Variants in EYS observed in about 807,000 individuals in gnomAD.
EYS encodes protein eyes shut homolog.
A neutral mutation model predicts 282.1 loss-of-function variants in EYS; 250 were observed. The observed-to-expected ratio is 0.89, with a 90% CI of 0.80 to 0.98. The LOEUF (loss-of-function observed/expected upper bound fraction) is 0.98, where lower values mean the gene tolerates loss of function less well. Among genes scored for constraint, EYS ranks in the 50% least tolerant of loss-of-function variants. The probability of loss-of-function intolerance (pLI) is 0.00; values close to 1 mark genes in which losing one functional copy is unlikely to be tolerated. For synonymous variants in EYS, 1,355 were observed against 1,282.9 expected, an observed-to-expected ratio of 1.06 and a Z score of -1.20; for missense variants, 4,016 against 3,709.0, an observed-to-expected ratio of 1.08 and a Z score of -2.15.
At chr6:63,879,018 G>T (rs1773057388) in intron 35 of EYS, among the ~76,000 whole-genome samples, 1 of 152,158 alleles carries the variant, frequency 6.6e-6, no homozygotes, top group Admixed American at 6.5e-5. Context: ...TGCAACTGCA[G>T]AAATCACCTG....
chr6:65,203,521 G>A (rs969434540), intron 12 of EYS, among the ~76,000 whole-genome samples: 8 of 152,098 alleles, frequency 5.3e-5, no homozygotes, highest in African/African-American at 1.7e-4. Flanking sequence ...TAAACGCAAA[G>A]CAAAGGACTC....
At chr6:64,860,889 A>T (rs1766214874) in intron 19 of EYS, among the ~76,000 whole-genome samples, 1 of 152,186 alleles carries the variant, frequency 6.6e-6, no homozygotes, top group African/African-American at 2.4e-5. Flanking sequence ...AGGTCGTCCC[A>T]TCATGTCCTG....
intron 30 of EYS, among the ~76,000 whole-genome samples, chr6:64,289,012 T>A (rs1253054579): frequency 6.6e-6 from 1 of 152,106 alleles, no homozygotes; most frequent in Admixed American, 6.6e-5. Flanking sequence ...TGGCTCCACA[T>A]CTACAATAAA....
intron 35 of EYS, among the ~76,000 whole-genome samples, chr6:63,935,086 G>A (rs1163920086): frequency 2.0e-5 from 3 of 151,906 alleles, no homozygotes; most frequent in African/African-American, 7.3e-5. Flanking sequence ...ACCTTATATT[G>A]TACTACATGT....
intron 12 of EYS, among the ~76,000 whole-genome samples, chr6:65,257,684 T>C (rs1198408567): frequency 6.6e-6 from 1 of 151,950 alleles, no homozygotes; most frequent in Non-Finnish European, 1.5e-5. Context: ...CCTTGTAGTA[T>C]AGTTTGAAGT....
At chr6:64,403,606 C>T (rs778272945) in intron 28 of EYS, among the ~76,000 whole-genome samples, 15 of 152,174 alleles carry the variant, frequency 9.9e-5, no homozygotes, top group Non-Finnish European at 1.8e-4. Flanking sequence ...ATCTGCCTGC[C>T]TCAGCTTCCC....
chr6:65,038,896 T>C (rs1772847390), intron 13 of EYS, among the ~76,000 whole-genome samples: 1 of 151,518 alleles, frequency 6.6e-6, no homozygotes, highest in Non-Finnish European at 1.5e-5. Flanking sequence ...TTTTGTTTTA[T>C]ATTAGTGAAT....
intron 5 of EYS, among the ~76,000 whole-genome samples, chr6:65,418,080 G>T (rs568402890): frequency 5.6e-4 from 85 of 152,038 alleles, no homozygotes; most frequent in African/African-American, 2.0e-3. Flanking sequence ...AGACTGTGAG[G>T]TATAATTTTT....
At chr6:64,456,410 A>C (rs1775561173) in intron 26 of EYS, among the ~76,000 whole-genome samples, 1 of 152,046 alleles carries the variant, frequency 6.6e-6, no homozygotes, top group South Asian at 2.1e-4. Flanking sequence ...CTGTAGTTAC[A>C]ACAGGTCAAT....
At chr6:63,883,053 T>C (rs1351013114) in intron 35 of EYS, among the ~76,000 whole-genome samples, 1 of 152,182 alleles carries the variant, frequency 6.6e-6, no homozygotes, top group Non-Finnish European at 1.5e-5. Context: ...ATTCCAAATA[T>C]ATATTATAAC....
intron 30 of EYS, among the ~76,000 whole-genome samples, chr6:64,295,490 G>GAAGAAGAAGAAGAAGAAAGAAGA: frequency 3.6e-5 from 1 of 28,160 alleles, no homozygotes; most frequent in Non-Finnish European, 6.1e-5. Flanking sequence ...AGAAGAAGAA[G>GAAGAAGAAGAAGAAGAAAGAAGA]AAGAAGAAAG....
intron 12 of EYS, among the ~76,000 whole-genome samples, chr6:65,177,571 T>C (rs76131915): frequency 6.6e-6 from 1 of 151,882 alleles, no homozygotes; most frequent in African/African-American, 2.4e-5. Context: ...AAGTTTGTTC[T>C]CTTTCCAATT....
intron 41 of EYS, among the ~76,000 whole-genome samples, chr6:63,741,672 C>T (rs2149642453): frequency 6.6e-6 from 1 of 152,320 alleles, no homozygotes; most frequent in Non-Finnish European, 1.5e-5. Context: ...CTTTCATTCT[C>T]ATCCTTGATG....
intron 39 of EYS, among the ~76,000 whole-genome samples, chr6:63,779,604 A>T (rs564473491): frequency 2.0e-5 from 3 of 152,186 alleles, no homozygotes; most frequent in Admixed American, 2.0e-4. Context: ...CTCCTTTAGC[A>T]GTTACTTATA....
rs545360722 is a variant in EYS at position 65,068,733 on chromosome 6, T to C, written c.2024-11006A>G. On this transcript the variant is annotated intron_variant, in intron 12 of 42. Coordinates refer to ENST00000503581, the MANE Select transcript of EYS (RefSeq NM_001142800.2). ...AGTATGTAACAGATGTCAGAAAATG[T>C]TACCAATTTTTACTTGTGCTCTGAT... Among the ~76,000 whole-genome samples the C allele has an allele frequency of 3.9e-5, 6 of 152,160 alleles. No homozygotes were observed. In the South Asian group the frequency reaches 1.2e-3, roughly 32 times the overall value.
intron 13 of EYS, among the ~76,000 whole-genome samples, chr6:65,025,917 T>TA (rs1357500656): frequency 3.3e-5 from 5 of 152,196 alleles, no homozygotes; most frequent in Non-Finnish European, 5.9e-5. Flanking sequence ...TCAAGATTAA[T>TA]ACAGTGAGTC....
intron 15 of EYS, among the ~76,000 whole-genome samples, chr6:64,913,156 C>G (rs1768054310): frequency 6.6e-6 from 1 of 152,060 alleles, no homozygotes; most frequent in Non-Finnish European, 1.5e-5. Flanking sequence ...TTCTTGTCAT[C>G]ACCAGAGTAT....
intron 19 of EYS, among the ~76,000 whole-genome samples, chr6:64,843,819 G>T (rs1426165476): frequency 2.6e-5 from 4 of 152,058 alleles, no homozygotes; most frequent in Non-Finnish European, 5.9e-5. Flanking sequence ...ATTTGGAGGG[G>T]CCCAGGGTGG....
At chr6:65,076,616 T>C (rs114227594) in intron 12 of EYS, among the ~76,000 whole-genome samples, 2,618 of 151,984 alleles carry the variant, frequency 0.017, 76 homozygotes, top group African/African-American at 0.059. Context: ...ATCCAAAATT[T>C]ATAGAAATTA....
Sources: allele counts gnomAD v4.1 joint callset (sites outside exome capture counted in the v4.1 genomes callset), GRCh38; gene constraint gnomAD v4.1.1; transcripts MANE v1.5; gene names NCBI Gene and HGNC (gene_info 2026-07-23, HGNC 2026-07-21).